ERBB4: variants seen among roughly 807,000 people sequenced by gnomAD.
The protein encoded by ERBB4 is receptor tyrosine-protein kinase erbB-4.
In ERBB4, 42 loss-of-function variants were observed where a neutral mutation model predicts 158.0. That is an observed-to-expected ratio of 0.27 (90% confidence interval 0.21 to 0.34). The LOEUF is 0.34. ERBB4 is among the 10% of genes least tolerant of loss of function. The probability of loss-of-function intolerance (pLI) is 1.00; values close to 1 mark genes in which losing one functional copy is unlikely to be tolerated. For synonymous variants in ERBB4, 583 were observed against 558.7 expected, an observed-to-expected ratio of 1.04 and a Z score of -0.61; for missense variants, 1,333 against 1,624.1, an observed-to-expected ratio of 0.82 and a Z score of 3.08.
intron 17 of ERBB4, among the ~76,000 whole-genome samples, chr2:211,627,158 T>G (rs533212619): frequency 6.6e-6 from 1 of 152,250 alleles, no homozygotes; most frequent in African/African-American, 2.4e-5. Flanking sequence ...AAGCTTTCCT[T>G]TCCAACTGTA....
At chr2:212,480,339 A>G (rs1689626616) in intron 1 of ERBB4, among the ~76,000 whole-genome samples, 1 of 152,192 alleles carries the variant, frequency 6.6e-6, no homozygotes, top group South Asian at 2.1e-4. Context: ...AACCAAAAAG[A>G]GGCCAGTGTG....
intron 1 of ERBB4, among the ~76,000 whole-genome samples, chr2:212,374,818 T>G (rs1433963320): frequency 2.6e-5 from 4 of 151,942 alleles, no homozygotes; most frequent in Non-Finnish European, 4.4e-5. Flanking sequence ...ACTGATTTAC[T>G]CTGTGGCACA....
intron 3 of ERBB4, among the ~76,000 whole-genome samples, chr2:211,938,129 ACT>A (rs1371585462): frequency 1.3e-5 from 2 of 152,220 alleles, no homozygotes; most frequent in Non-Finnish European, 2.9e-5. Flanking sequence ...ATAAAAATAC[ACT>A]GTGTCTATTT....
chr2:211,933,037 C>T (rs778657641), intron 3 of ERBB4, among the ~76,000 whole-genome samples: 1 of 151,928 alleles, frequency 6.6e-6, no homozygotes, highest in Non-Finnish European at 1.5e-5. Flanking sequence ...GAGTTGATAA[C>T]CTACATTGTG....
At chr2:212,212,999 T>C (rs895799745) in intron 1 of ERBB4, among the ~76,000 whole-genome samples, 1 of 152,074 alleles carries the variant, frequency 6.6e-6, no homozygotes, top group Non-Finnish European at 1.5e-5. Context: ...ATTCAGGACA[T>C]AGGCATGGGC....
intron 3 of ERBB4, among the ~76,000 whole-genome samples, chr2:211,857,749 C>T (rs148380074): frequency 6.6e-6 from 1 of 152,262 alleles, no homozygotes; most frequent in African/African-American, 2.4e-5. Flanking sequence ...CAAAGGTATA[C>T]ATGAGATTAT....
chr2:211,972,435 G>T (rs548527921), intron 2 of ERBB4, among the ~76,000 whole-genome samples: 1 of 152,156 alleles, frequency 6.6e-6, no homozygotes, highest in Non-Finnish European at 1.5e-5. Context: ...AATAAGACCT[G>T]CATAGCCAAG....
intron 9 of ERBB4, among the ~76,000 whole-genome samples, chr2:211,710,297 G>A (rs1294331799): frequency 6.6e-6 from 1 of 152,098 alleles, no homozygotes; most frequent in Non-Finnish European, 1.5e-5. Flanking sequence ...CACGCAATGT[G>A]AGTCAAGTGG....
At chr2:211,926,250 G>C (rs2080019273) in intron 3 of ERBB4, among the ~76,000 whole-genome samples, 1 of 152,098 alleles carries the variant, frequency 6.6e-6, no homozygotes, top group Admixed American at 6.6e-5. Flanking sequence ...TCAGGAAGAA[G>C]AGAAAACAGA....
chr2:211,565,126 T>G (rs994147788), intron 19 of ERBB4, among the ~76,000 whole-genome samples: 1 of 152,200 alleles, frequency 6.6e-6, no homozygotes, highest in Non-Finnish European at 1.5e-5. Context: ...ACTTCCCCAT[T>G]AGGCAATCTA....
intron 4 of ERBB4, among the ~76,000 whole-genome samples, chr2:211,786,587 A>G (rs1055005475): frequency 2.0e-5 from 3 of 152,222 alleles, no homozygotes; most frequent in African/African-American, 7.2e-5. Flanking sequence ...CATCTGTGAA[A>G]GTGCAGCAAA....
At chr2:211,816,533 C>G (rs1355832933) in intron 3 of ERBB4, among the ~76,000 whole-genome samples, 1 of 118,196 alleles carries the variant, frequency 8.5e-6, no homozygotes, top group African/African-American at 3.6e-5. Context: ...AGAGCGAGAG[C>G]CCGTCTCAAA....
chr2:211,421,759 TTATGTA>T (rs2063519145), intron 24 of ERBB4, among the ~76,000 whole-genome samples: 2 of 151,940 alleles, frequency 1.3e-5, no homozygotes, highest in East Asian at 1.9e-4. Context: ...TAAGACCTCT[TTATGTA>T]TATGTATAAT....
intron 2 of ERBB4, among the ~76,000 whole-genome samples, chr2:212,041,300 C>T (rs544169536): frequency 4.7e-4 from 71 of 151,798 alleles, no homozygotes; most frequent in Non-Finnish European, 7.5e-4. Context: ...CATAATCTAT[C>T]CAGAGGTCTT....
At chr2:211,452,423 ACCTCGG>A (rs1324285212) in intron 20 of ERBB4, among the ~76,000 whole-genome samples, 1 of 151,914 alleles carries the variant, frequency 6.6e-6, no homozygotes. Flanking sequence ...TGATCCACCC[ACCTCGG>A]CCTCTCAAAG....
At chr2:212,204,901 C>A (rs2082699021) in intron 1 of ERBB4, among the ~76,000 whole-genome samples, 1 of 150,446 alleles carries the variant, frequency 6.6e-6, no homozygotes, top group South Asian at 2.1e-4. Context: ...TCACCACAAC[C>A]TCTGCCTCCC....
At chr2:212,023,580 C>T (rs1246197520) in intron 2 of ERBB4, among the ~76,000 whole-genome samples, 1 of 151,904 alleles carries the variant, frequency 6.6e-6, no homozygotes, top group Non-Finnish European at 1.5e-5. Flanking sequence ...ATCAGTGCAA[C>T]TTCTCTTTCT....
intron 1 of ERBB4, among the ~76,000 whole-genome samples, chr2:212,214,901 C>G (rs899392293): frequency 6.6e-6 from 1 of 151,540 alleles, no homozygotes; most frequent in South Asian, 2.1e-4. Context: ...TATATTCATA[C>G]AAATGATACG....
At chr2:212,129,236 T>C (rs142711986) in intron 1 of ERBB4, among the ~76,000 whole-genome samples, 346 of 151,660 alleles carry the variant, frequency 2.3e-3, no homozygotes, top group African/African-American at 8.1e-3. Flanking sequence ...ACTTTAATAT[T>C]AATATAAAAA....
Sources: gnomAD v4.1 joint callset for allele counts (sites outside exome capture counted in the v4.1 genomes callset) on GRCh38, gnomAD v4.1.1 for gene constraint, MANE v1.5 for transcripts, NCBI Gene and HGNC (gene_info 2026-07-23, HGNC 2026-07-21) for gene names.